The following SLC43A2 variants were observed in gnomAD, a reference collection of about 807,000 sequenced individuals.
The protein encoded by SLC43A2 is solute carrier family 43 member 2.
In SLC43A2, 38 loss-of-function variants were observed where a neutral mutation model predicts 63.2. That is an observed-to-expected ratio of 0.60 (90% confidence interval 0.46 to 0.79). The LOEUF (loss-of-function observed/expected upper bound fraction) is 0.79, where lower values mean the gene tolerates loss of function less well. SLC43A2 is among the 30% of genes least tolerant of loss of function. The pLI, the probability that SLC43A2 is intolerant of heterozygous loss-of-function variation, is 0.00. For synonymous variants in SLC43A2, 322 were observed against 331.0 expected (o/e 0.97, Z 0.30); for missense variants, 644 against 756.2 (o/e 0.85, Z 1.74).
At chr17:1,585,385 G>A in intron 10 of SLC43A2, 1 of 394,512 alleles carries the variant, frequency 2.5e-6, no homozygotes, top group Non-Finnish European at 4.0e-6. Context: ...GGGATTACAG[G>A]CGCGCGCCGC....
chr17:1,570,487 G>GTTTTTTTTTT lies in SLC43A2; in HGVS notation c.*5107_*5116dup, dbSNP rs1167305329. 2.2e-5 allele frequency: 3 copies of GTTTTTTTTTT among 134,298 alleles called. No homozygotes were observed. The highest frequency in any genetic ancestry group is 8.2e-5 in the African/African-American group (3 of 36,434). The allele number at this position is 134,298 out of a possible 1,614,324, so 8.3% of individuals were successfully genotyped here. ...GGGCACTGAAAACGATGCTACCATT[G>GTTTTTTTTTT]TTTTTTTTTTTTTTTTTGAGACGGA... On this transcript the variant is annotated 3_prime_UTR_variant, in exon 14 of 14. Coordinates refer to ENST00000301335, the MANE Select transcript of SLC43A2 (RefSeq NM_152346.3).
In SLC43A2 at chr17:1,593,685, T is replaced by C. The variant is rs904480165; in HGVS notation, c.502-406A>G. ...AATCTATTTGGGGATAATAGCATCA[T>C]TTTATAAATAAAAATATCAGCATTC... is the stretch of plus-strand genomic sequence containing the variant. On this transcript the variant is annotated intron_variant, in intron 5 of 13. Coordinates refer to ENST00000301335, the MANE Select transcript of SLC43A2 (RefSeq NM_152346.3). This position sits in a 1 kb window ranked among gnomAD's most constrained non-coding sequence, Gnocchi z 5.3. Among the ~76,000 whole-genome samples, 1 of 152,168 alleles carries C rather than the reference T, an allele frequency of 6.6e-6. No individual in the cohort carries two copies. Among genetic ancestry groups the C allele is most frequent in the African/African-American group, 2.4e-5 (1 of 41,444 alleles).
intron 9 of SLC43A2, 105 bp from the exon 10 acceptor site, chr17:1,586,156 T>C: frequency 6.9e-7 from 1 of 1,440,466 alleles, no homozygotes; most frequent in Non-Finnish European, 9.1e-7. Context: ...TCTTCTGGGG[T>C]CTGCCCCAGA....
At chr17:1,582,910 C>T (rs1280394378) in intron 11 of SLC43A2, among the ~76,000 whole-genome samples, 1 of 152,168 alleles carries the variant, frequency 6.6e-6, no homozygotes, top group Non-Finnish European at 1.5e-5. Context: ...AAAACCCCAT[C>T]TCTACTGAAA....
At chr17:1,590,761 G>A (rs577714735) in intron 9 of SLC43A2, 41 bp downstream of exon 9, 25 of 1,548,022 alleles carry the variant, frequency 1.6e-5, no homozygotes, top group South Asian at 1.1e-4. Context: ...CTGGGCTCAG[G>A]CCGGGGAGTG....
rs774196672 is a variant in SLC43A2 at position 1,583,300 on chromosome 17, G to A, written c.1254C>T (p.Ile418=). The A allele has an allele frequency of 6.2e-7, 1 of 1,614,170 alleles. No individual in the cohort carries two copies. The highest frequency in any genetic ancestry group is 1.1e-5 in the South Asian group (1 of 91,084). Residue 418 remains isoleucine (I), a synonymous_variant, in exon 11 of 14, where the codon ATC becomes ATT. Coordinates refer to ENST00000301335, the MANE Select transcript of SLC43A2 (RefSeq NM_152346.3). The surrounding 1 kb of genome is among the most constrained non-coding windows in gnomAD (Gnocchi z 5.5). ...CCCGCATGGCATTAGTGATCTTCTGGATCTGCCGGTCCCGCTTCTTCTTTT... is the reference window on the plus strand; with the variant it reads ...CCCGCATGGCATTAGTGATCTTCTGAATCTGCCGGTCCCGCTTCTTCTTTT... ...EKKKKKRDRQ[I]QKITNAMRAF... is the part of the protein sequence containing the mutation.
At chr17:1,586,928 T>TGGGGGCC in intron 9 of SLC43A2, 6 of 1,232,904 alleles carry the variant, frequency 4.9e-6, no homozygotes, top group Non-Finnish European at 6.7e-6. Context: ...TCCCTGACAA[T>TGGGGGCC]CCCCCCCACC....
In SLC43A2 at chr17:1,606,505, G is replaced by T. The variant is rs983854987; in HGVS notation, c.501+6690C>A. 1.3e-5 allele frequency among the ~76,000 whole-genome samples: 2 copies of T among 152,160 alleles called. No homozygotes were observed. Among genetic ancestry groups the T allele is most frequent in the African/African-American group, 4.8e-5 (2 of 41,440 alleles). On this transcript the variant is annotated intron_variant, in intron 5 of 13. Transcript: ENST00000301335. This position sits in a 1 kb window ranked among gnomAD's most constrained non-coding sequence, Gnocchi z 4.7. ...TGAGAAATCCCCATCCCACCCACGG[G>T]GACAGGGGTCAGAGTAATGGAGTGG...
chr17:1,591,831 C>T (rs1223884785), intron 6 of SLC43A2, 132 bp from the exon 7 acceptor site: 1 of 705,314 alleles, frequency 1.4e-6, no homozygotes, highest in South Asian at 1.9e-5. Flanking sequence ...AGAGGCACAG[C>T]CCTGCCAGCC....
chr17:1,580,310 C>T (rs1236530952), intron 11 of SLC43A2, among the ~76,000 whole-genome samples: 3 of 152,198 alleles, frequency 2.0e-5, no homozygotes, highest in African/African-American at 7.2e-5. Flanking sequence ...GGAAATCAGC[C>T]ACGGTGAGTG....
chr17:1,614,251 C>T (rs1907389162), intron 4 of SLC43A2, among the ~76,000 whole-genome samples: 1 of 150,694 alleles, frequency 6.6e-6, no homozygotes, highest in South Asian at 2.1e-4. Context: ...TCAACAACAA[C>T]AACAAAAAAA....
At chr17:1,588,856 C>T (rs746969591) in intron 9 of SLC43A2, among the ~76,000 whole-genome samples, 13 of 152,196 alleles carry the variant, frequency 8.5e-5, no homozygotes, top group Admixed American at 2.0e-4. Flanking sequence ...AGTCTCCATT[C>T]GGAACCAGCA....
intron 11 of SLC43A2, among the ~76,000 whole-genome samples, chr17:1,580,313 G>A (rs1005142415): frequency 8.5e-5 from 13 of 152,168 alleles, no homozygotes; most frequent in Admixed American, 1.3e-4. Context: ...AATCAGCCAC[G>A]GTGAGTGCAT....
At chr17:1,608,932 TC>T (rs1906856068) in intron 5 of SLC43A2, among the ~76,000 whole-genome samples, 1 of 152,072 alleles carries the variant, frequency 6.6e-6, no homozygotes, top group African/African-American at 2.4e-5. Context: ...TTGAAAGAGC[TC>T]TTACGAGTCA....
intron 11 of SLC43A2, among the ~76,000 whole-genome samples, chr17:1,580,728 ATTTTTTTTT>A (rs11321695): frequency 7.9e-6 from 1 of 126,426 alleles, no homozygotes; most frequent in East Asian, 2.3e-4. Context: ...GGCCCGGCTA[ATTTTTTTTT>A]TTTTTTTTTT....
chr17:1,587,416 A>G (rs1018508731), intron 9 of SLC43A2, among the ~76,000 whole-genome samples: 1 of 152,230 alleles, frequency 6.6e-6, no homozygotes, highest in African/African-American at 2.4e-5. Flanking sequence ...CCTGCCCCTG[A>G]TGCCCAGCCA....
chr17:1,602,471 C>A (rs1906148054), intron 5 of SLC43A2, among the ~76,000 whole-genome samples: 1 of 151,958 alleles, frequency 6.6e-6, no homozygotes, highest in African/African-American at 2.4e-5. Flanking sequence ...CATAGTGAAA[C>A]CTCGTCTTTA....
At chr17:1,584,796 G>A (rs1472259297) in intron 10 of SLC43A2, among the ~76,000 whole-genome samples, 1 of 151,262 alleles carries the variant, frequency 6.6e-6, no homozygotes, top group Non-Finnish European at 1.5e-5. Flanking sequence ...CTCCAGCCTG[G>A]GCGACAGAGC....
chr17:1,579,451 A>G (rs2075980657), intron 11 of SLC43A2, among the ~76,000 whole-genome samples: 1 of 150,384 alleles, frequency 6.6e-6, no homozygotes, highest in Non-Finnish European at 1.5e-5. Flanking sequence ...ACAGAGCTAG[A>G]CTCTGTCTCA....
Sources: allele counts gnomAD v4.1 joint callset (sites outside exome capture counted in the v4.1 genomes callset), GRCh38; gene constraint gnomAD v4.1.1; non-coding constraint Gnocchi (gnomAD v3.1); transcripts MANE v1.5; gene names NCBI Gene and HGNC (gene_info 2026-07-23, HGNC 2026-07-21).